Variants in ARID5B observed in about 807,000 individuals in gnomAD.
ARID5B encodes AT-rich interactive domain-containing protein 5B.
Under a neutral mutation model 97.2 loss-of-function variants are expected in ARID5B, and 13 were observed. The ratio of observed to expected loss-of-function variants is 0.13; its 90% CI spans 0.09 to 0.21. ARID5B has a LOEUF of 0.21. Among genes scored for constraint, ARID5B ranks in the 10% least tolerant of loss-of-function variants. The probability of loss-of-function intolerance (pLI) is 1.00; values close to 1 mark genes in which losing one functional copy is unlikely to be tolerated. For missense variants in ARID5B, 1,210 were observed against 1,465.3 expected, an observed-to-expected ratio of 0.83 and a Z score of 2.84; for synonymous variants, 556 against 570.3, an observed-to-expected ratio of 0.97 and a Z score of 0.36.
intron 3 of ARID5B, among the ~76,000 whole-genome samples, chr10:61,992,031 T>C (rs1280949544): frequency 1.3e-5 from 2 of 148,264 alleles, no homozygotes; most frequent in Non-Finnish European, 3.0e-5. Flanking sequence ...AAACTCTGTC[T>C]CAAAAAAAAA....
rs1231840507 is a variant in ARID5B, at chr10:62,092,994, C to T, written c.3531C>T (p.Ser1177=). 3.7e-6 allele frequency: 6 copies of T among 1,612,816 alleles called. No homozygotes were observed. The South Asian group carries it at 6.6e-5, about 18-fold the overall frequency. The change falls in exon 10 of 10, where the codon TCC becomes TCT. Residue 1177 remains serine, a synonymous_variant. Coordinates refer to ENST00000279873, the MANE Select transcript of ARID5B (RefSeq NM_032199.3). ...ATCCTCAAGCTGCCTTTCCATCTTC[C>T]CAGCTGTCATCCGTGCACCCCAGTA... ...AINPQAAFPS[S]QLSSVHPSTK...
intron 3 of ARID5B, among the ~76,000 whole-genome samples, chr10:61,983,057 A>G (rs1197359418): frequency 6.6e-6 from 1 of 152,146 alleles, no homozygotes; most frequent in East Asian, 1.9e-4. Flanking sequence ...GCTCCTTCAG[A>G]GGCTGCTTGT....
chr10:61,937,485 C>T (rs189042802), intron 2 of ARID5B, among the ~76,000 whole-genome samples: 111 of 152,102 alleles, frequency 7.3e-4, no homozygotes, highest in African/African-American at 2.1e-3. Context: ...AAAACAATGA[C>T]GAAAGGGGAT....
chr10:62,092,370 T>C lies in ARID5B; in HGVS notation c.2907T>C (p.Pro969=), dbSNP rs951199171. 2 of 1,614,172 alleles carry C rather than the reference T, an allele frequency of 1.2e-6. No individual in the cohort carries two copies. The highest frequency in any genetic ancestry group is 1.7e-6 in the Non-Finnish European group (2 of 1,180,022). The change falls in exon 10 of 10, where the codon CCT becomes CCC. Residue 969 remains proline, a synonymous_variant. Transcript: ENST00000279873. The part of the protein sequence containing the change: ...PMTMSGPKKY[P]ESLSRSGKPH... ...CCATGTCAGGCCCTAAAAAATACCC[T>C]GAATCGCTTTCAAGATCAGGAAAAC... is the stretch of plus-strand genomic sequence containing the variant.
chr10:61,963,758 G>A (rs77918077), intron 3 of ARID5B, among the ~76,000 whole-genome samples: 4,781 of 151,918 alleles, frequency 0.031, 101 homozygotes, highest in Non-Finnish European at 0.047. Context: ...AGGAGACTTC[G>A]GTCATCTTTG....
At chr10:61,932,283 G>A (rs550501527) in intron 2 of ARID5B, among the ~76,000 whole-genome samples, 4 of 152,238 alleles carry the variant, frequency 2.6e-5, no homozygotes, top group South Asian at 4.1e-4. Flanking sequence ...TGAGTCTTCC[G>A]CAAGTTGTAA....
At chr10:61,937,339 C>T (rs1232888169) in intron 2 of ARID5B, among the ~76,000 whole-genome samples, 1 of 152,016 alleles carries the variant, frequency 6.6e-6, no homozygotes. Context: ...TTGGAAGGGC[C>T]CGCCATGCAC....
chr10:62,024,244 C>T (rs1181169540), intron 4 of ARID5B, among the ~76,000 whole-genome samples: 2 of 152,154 alleles, frequency 1.3e-5, no homozygotes, highest in African/African-American at 4.8e-5. Context: ...GGGAATGTGA[C>T]TAGTAAGCAA....
chr10:61,918,896 T>A (rs1338651393), intron 2 of ARID5B, among the ~76,000 whole-genome samples: 1 of 152,116 alleles, frequency 6.6e-6, no homozygotes, highest in African/African-American at 2.4e-5. Flanking sequence ...TAACTGGGTG[T>A]GGTGGCATGC....
At chr10:61,989,352 T>C (rs546638176) in intron 3 of ARID5B, among the ~76,000 whole-genome samples, 31 of 152,340 alleles carry the variant, frequency 2.0e-4, no homozygotes, top group African/African-American at 6.7e-4. Flanking sequence ...TAATTACAAG[T>C]TGGCTCACAT....
At chr10:61,985,821 A>G (rs904637850) in intron 3 of ARID5B, among the ~76,000 whole-genome samples, 5 of 152,144 alleles carry the variant, frequency 3.3e-5, no homozygotes, top group African/African-American at 1.2e-4. Flanking sequence ...CATTGTCTTC[A>G]CTTAGGCTGA....
chr10:61,954,446 A>G (rs1040114465), intron 3 of ARID5B, among the ~76,000 whole-genome samples: 1 of 152,192 alleles, frequency 6.6e-6, no homozygotes, highest in Non-Finnish European at 1.5e-5. Context: ...ATTGTCCTAC[A>G]GACCTGCTTT....
chr10:61,985,146 T>C (rs1838829594), intron 3 of ARID5B, among the ~76,000 whole-genome samples: 1 of 151,904 alleles, frequency 6.6e-6, no homozygotes, highest in South Asian at 2.1e-4. Context: ...CTGCGAAGAC[T>C]TTCTTCACTC....
chr10:61,969,944 G>A (rs893830783), intron 3 of ARID5B, among the ~76,000 whole-genome samples: 1 of 152,122 alleles, frequency 6.6e-6, no homozygotes, highest in Non-Finnish European at 1.5e-5. Flanking sequence ...TAAAACACTA[G>A]AAAGAGTCAA....
chr10:62,083,061 A>G (rs937375217), intron 8 of ARID5B, among the ~76,000 whole-genome samples: 1 of 151,986 alleles, frequency 6.6e-6, no homozygotes, highest in African/African-American at 2.4e-5. Context: ...ACACACACAC[A>G]CACTCTCTCA....
intron 4 of ARID5B, among the ~76,000 whole-genome samples, chr10:62,046,010 A>G (rs1005079601): frequency 6.6e-6 from 1 of 152,210 alleles, no homozygotes; most frequent in African/African-American, 2.4e-5. Context: ...CCCTGATTCC[A>G]GTCCCTACCA....
intron 7 of ARID5B, 34 bp from the exon 8 acceptor site, chr10:62,069,666 T>C (rs778556109): frequency 4.5e-5 from 70 of 1,562,292 alleles, no homozygotes; most frequent in South Asian, 1.2e-4. Context: ...TCTCTTATGA[T>C]GTAAGATTGA....
At chr10:62,079,506 C>G (rs895866524) in intron 8 of ARID5B, among the ~76,000 whole-genome samples, 4 of 152,124 alleles carry the variant, frequency 2.6e-5, no homozygotes, top group African/African-American at 9.7e-5. Context: ...TATGAATGAC[C>G]TGAATGAGGT....
intron 3 of ARID5B, among the ~76,000 whole-genome samples, chr10:61,962,927 G>A (rs138664335): frequency 0.011 from 1,710 of 152,292 alleles, 17 homozygotes; most frequent in Non-Finnish European, 0.018. Flanking sequence ...GAAAGAAACT[G>A]CAGTGGTTTT....
Sources: allele counts gnomAD v4.1 joint callset (sites outside exome capture counted in the v4.1 genomes callset), GRCh38; gene constraint gnomAD v4.1.1; transcripts MANE v1.5; gene names NCBI Gene and HGNC (gene_info 2026-07-23, HGNC 2026-07-21).